Variants in SLC4A1AP observed in about 807,000 individuals in gnomAD.
The protein encoded by SLC4A1AP is kanadaptin.
Under a neutral mutation model 89.7 loss-of-function variants are expected in SLC4A1AP, and 64 were observed. That is an observed-to-expected ratio of 0.71 (90% CI 0.58 to 0.88). The LOEUF is 0.88. SLC4A1AP is among the 40% of genes least tolerant of loss of function. The probability of loss-of-function intolerance (pLI) is 0.00; values close to 1 mark genes in which losing one functional copy is unlikely to be tolerated. For synonymous variants in SLC4A1AP, 366 were observed against 353.3 expected, an observed-to-expected ratio of 1.04 and a Z score of -0.40; for missense variants, 931 against 965.0, an observed-to-expected ratio of 0.96 and a Z score of 0.47.
At chr2:27,673,438 C>CCCTCCCTT (rs1371323824) in intron 5 of SLC4A1AP, among the ~76,000 whole-genome samples, 2 of 46,272 alleles carry the variant, frequency 4.3e-5, no homozygotes, top group East Asian at 5.2e-4. Context: ...CTCCCTCCCT[C>CCCTCCCTT]CCTCCCTTCC....
At chr2:27,687,819 A>G (rs1675726079) in intron 10 of SLC4A1AP, 115 bp from the exon 11 acceptor site, 8 of 697,802 alleles carry the variant, frequency 1.1e-5, no homozygotes, top group East Asian at 2.8e-5. Flanking sequence ...GCTGATGATA[A>G]TAAAACTGGA....
intron 9 of SLC4A1AP, among the ~76,000 whole-genome samples, chr2:27,683,449 C>CCAAT (rs1675651109): frequency 6.6e-6 from 1 of 152,186 alleles, no homozygotes; most frequent in South Asian, 2.1e-4. Flanking sequence ...TCTCTGCTTA[C>CCAAT]CAATGGCTGC....
intron 6 of SLC4A1AP, among the ~76,000 whole-genome samples, chr2:27,676,431 T>C (rs1675524211): frequency 6.6e-6 from 1 of 152,244 alleles, no homozygotes. Flanking sequence ...CCTTGAGCTC[T>C]TTCTTCTGAG....
Position 27,677,675 on chromosome 2 carries a change from T to G in SLC4A1AP, c.1577-63T>G, listed in dbSNP as rs1572992790. On this transcript the variant is annotated intron_variant, in intron 7 of 13. Transcript: ENST00000613058. ...GTTAGTGACTTTTATATGGAAACTT[T>G]GGCTGAATTTTAAAATATTCAGGAT... is the stretch of plus-strand genomic sequence containing the variant. 5.1e-6 allele frequency: 7 copies of G among 1,366,104 alleles called. No homozygotes were observed. In the South Asian group the frequency reaches 9.9e-5, roughly 19 times the overall value. The allele number at this position is 1,366,104 out of a possible 1,614,324, so 84.6% of individuals were successfully genotyped here.
At chr2:27,672,608 T>G (rs943759089) in intron 5 of SLC4A1AP, among the ~76,000 whole-genome samples, 16 of 152,218 alleles carry the variant, frequency 1.1e-4, no homozygotes, top group Non-Finnish European at 1.6e-4. Context: ...TTCTGCATGT[T>G]AAAGGCTTTT....
exon 2 of SLC4A1AP, chr2:27,665,173 A>G (rs1460841774): frequency 1.2e-6 from 2 of 1,613,846 alleles, no homozygotes; most frequent in Non-Finnish European, 1.7e-6. Flanking sequence ...AAGCAGCAGC[A>G]AATATTGTTG....
chr2:27,667,173 C>T, intron 2 of SLC4A1AP, 95 bp from the exon 3 acceptor site: 1 of 1,382,584 alleles, frequency 7.2e-7, no homozygotes, highest in Non-Finnish European at 9.7e-7. Flanking sequence ...CCAGCCTAAA[C>T]TATATCTTTA....
chr2:27,690,381 C>T lies in SLC4A1AP; in HGVS notation c.2271+1614C>T, dbSNP rs148148616. Among the ~76,000 whole-genome samples the T allele has an allele frequency of 8.8e-3, 1,343 of 152,270 alleles. 19 individuals are homozygous for T. Among genetic ancestry groups the T allele is most frequent in the African/African-American group, 0.03 (1,236 of 41,542 alleles). ...CTTTGCATACCCATAGCTTAGCTCC[C>T]ACTTATAAGTGAGAACATATGGTAT... is the stretch of plus-strand genomic sequence containing the variant. On this transcript the variant is annotated intron_variant, in intron 12 of 13. Coordinates refer to ENST00000613058, the Ensembl canonical transcript of SLC4A1AP.
At chr2:27,668,754 C>T (rs1316433924) in intron 3 of SLC4A1AP, 89 bp from the exon 4 acceptor site, 27 of 1,226,026 alleles carry the variant, frequency 2.2e-5, no homozygotes, top group Non-Finnish European at 3.2e-5. Context: ...GGAACTTGTT[C>T]GTATTTAACG....
At chr2:27,676,059 T>C (rs1273878353) in intron 6 of SLC4A1AP, among the ~76,000 whole-genome samples, 1 of 152,202 alleles carries the variant, frequency 6.6e-6, no homozygotes, top group Admixed American at 6.5e-5. Context: ...TTTTGAAGAA[T>C]GTAGTATGGT....
chr2:27,677,468 C>G, intron 7 of SLC4A1AP, 104 bp downstream of exon 7: 1 of 800,728 alleles, frequency 1.2e-6, no homozygotes, highest in South Asian at 1.6e-5. Flanking sequence ...AATATGGAGC[C>G]TTTTAAAGGA....
chr2:27,679,640 A>C (rs1215716359), intron 8 of SLC4A1AP, among the ~76,000 whole-genome samples: 1 of 152,058 alleles, frequency 6.6e-6, no homozygotes, highest in African/African-American at 2.4e-5. Context: ...ATACAATAGA[A>C]CACCATATAG....
rs567097204 is a variant in SLC4A1AP, at chr2:27,678,092, C to T, written c.1763+168C>T. ...TCATAGAGTAACTAAAAACCTGTTT[C>T]ATATTTGTGAAATATAGACTGATAG... On this transcript the variant is annotated intron_variant, in intron 8 of 13. Transcript: ENST00000613058. Among the ~76,000 whole-genome samples, 121 of 152,258 alleles carry T rather than the reference C, an allele frequency of 7.9e-4. No individual in the cohort carries two copies. The South Asian group carries it at 0.024, about 30-fold the overall frequency.
chr2:27,683,794 G>C (rs1375560001), intron 9 of SLC4A1AP, among the ~76,000 whole-genome samples: 1 of 152,140 alleles, frequency 6.6e-6, no homozygotes, highest in Non-Finnish European at 1.5e-5. Context: ...CTGCAGTGCA[G>C]TGGCCATCTC....
chr2:27,670,232 A>T (rs1372804616), intron 5 of SLC4A1AP, among the ~76,000 whole-genome samples: 1 of 151,962 alleles, frequency 6.6e-6, no homozygotes, highest in African/African-American at 2.4e-5. Context: ...TCCTGACCTC[A>T]GGTGATCCAC....
intron 9 of SLC4A1AP, among the ~76,000 whole-genome samples, chr2:27,683,569 A>T (rs1263867054): frequency 6.6e-6 from 1 of 152,092 alleles, no homozygotes; most frequent in East Asian, 1.9e-4. Flanking sequence ...CCACCCTAAT[A>T]GTGTCATTTT....
intron 9 of SLC4A1AP, among the ~76,000 whole-genome samples, chr2:27,683,793 A>C (rs952830900): frequency 1.3e-5 from 2 of 152,142 alleles, no homozygotes; most frequent in African/African-American, 4.8e-5. Context: ...GCTGCAGTGC[A>C]GTGGCCATCT....
intron 5 of SLC4A1AP, 63 bp downstream of exon 5, chr2:27,669,450 A>T: frequency 7.1e-7 from 1 of 1,407,880 alleles, no homozygotes; most frequent in South Asian, 1.6e-5. Flanking sequence ...ACAAACGCTA[A>T]TAAAACTTCT....
At chr2:27,690,553 A>G (rs1572997343) in intron 12 of SLC4A1AP, among the ~76,000 whole-genome samples, 1 of 152,082 alleles carries the variant, frequency 6.6e-6, no homozygotes, top group Non-Finnish European at 1.5e-5. Flanking sequence ...TGGTGTGATC[A>G]TGGCTCACTG....
Sources: allele counts gnomAD v4.1 joint callset (sites outside exome capture counted in the v4.1 genomes callset), GRCh38; gene constraint gnomAD v4.1.1; transcripts MANE v1.5; gene names NCBI Gene and HGNC (gene_info 2026-07-23, HGNC 2026-07-21).